The following OR51B5 variants were observed in gnomAD, a reference collection of about 807,000 sequenced individuals.
The protein encoded by OR51B5 is olfactory receptor 51B5.
For missense variants in OR51B5, 456 were observed against 374.6 expected, an observed-to-expected ratio of 1.22 and a Z score of -1.79; for synonymous variants, 186 against 144.8, an observed-to-expected ratio of 1.28 and a Z score of -2.04.
intron 1 of OR51B5, among the ~76,000 whole-genome samples, chr11:5,393,826 G>A (rs890059643): frequency 1.3e-5 from 2 of 152,252 alleles, no homozygotes; most frequent in East Asian, 3.9e-4. Context: ...AATCATTAAT[G>A]TAAGTCAGAA....
At chr11:5,377,958 G>T (rs1321841480) in intron 1 of OR51B5, among the ~76,000 whole-genome samples, 9 of 151,824 alleles carry the variant, frequency 5.9e-5, no homozygotes, top group Non-Finnish European at 7.4e-5. Flanking sequence ...TTGGAAAAAC[G>T]ACTTTAAAGT....
chr11:5,444,173 T>TACATACATATATGCTG (rs1310002598), intron 1 of OR51B5, among the ~76,000 whole-genome samples: 3 of 152,158 alleles, frequency 2.0e-5, no homozygotes, highest in Non-Finnish European at 4.4e-5. Flanking sequence ...TTTTCCCATA[T>TACATACATATATGCTG]ACATACATAT....
chr11:5,489,138 A>G (rs1331361467), intron 1 of OR51B5: 4 of 1,613,872 alleles, frequency 2.5e-6, no homozygotes, highest in South Asian at 1.1e-5. Flanking sequence ...ATGCTGTCAT[A>G]GGCAGAATTG....
chr11:5,452,506 A>G (rs1449787006), intron 1 of OR51B5, among the ~76,000 whole-genome samples: 12 of 7,466 alleles, frequency 1.6e-3, no homozygotes, highest in African/African-American at 6.2e-3. Context: ...CTCTGTCTCA[A>G]AAAAAAAAAA....
At chr11:5,422,753 G>T in intron 1 of OR51B5, 9 of 1,614,106 alleles carry the variant, frequency 5.6e-6, no homozygotes, top group African/African-American at 1.3e-5. Context: ...CCTCCACCAG[G>T]ATATGATCCG....
intron 1 of OR51B5, among the ~76,000 whole-genome samples, chr11:5,456,866 G>C (rs1316445180): frequency 6.6e-6 from 1 of 152,160 alleles, no homozygotes; most frequent in Non-Finnish European, 1.5e-5. Context: ...TCATGATAGT[G>C]AGTGAGTTCT....
rs182255617 is a variant in OR51B5 at position 5,495,960 on chromosome 11, A to G, written n.84+9609T>C. Among the ~76,000 whole-genome samples the G allele has an allele frequency of 6.8e-3, 1,041 of 152,254 alleles. 6 individuals carry two copies. The highest frequency in any genetic ancestry group is 0.01 in the Non-Finnish European group (696 of 68,022). On this transcript the variant is annotated intron_variant and non_coding_transcript_variant, in intron 1 of 4. Coordinates refer to the OR51B5 transcript ENST00000415970. Reference sequence around the variant, plus strand: ...GCATATTGCAATTTTTTTTAACTTCATATGTTCCTGATACCTTAACCTCTC... The same window carrying G: ...GCATATTGCAATTTTTTTTAACTTCGTATGTTCCTGATACCTTAACCTCTC...
At chr11:5,407,813 CAAAT>C (rs1002554650) in intron 1 of OR51B5, among the ~76,000 whole-genome samples, 2 of 151,842 alleles carry the variant, frequency 1.3e-5, no homozygotes, top group African/African-American at 4.8e-5. Flanking sequence ...TTCAAATAAG[CAAAT>C]AATTTATTTT....
intron 1 of OR51B5, chr11:5,488,767 C>G (rs552766776): frequency 6.2e-7 from 1 of 1,614,000 alleles, no homozygotes; most frequent in South Asian, 1.1e-5. Flanking sequence ...AACAGGGATC[C>G]CAGGGCTGGA....
At chr11:5,461,217 G>A (rs1002190291) in intron 1 of OR51B5, among the ~76,000 whole-genome samples, 5 of 152,206 alleles carry the variant, frequency 3.3e-5, no homozygotes, top group African/African-American at 7.2e-5. Flanking sequence ...CTGCTCGGGC[G>A]ATGGTGGGTC....
chr11:5,359,975 C>A lies in OR51B5; in HGVS notation n.85-13065G>T, dbSNP rs367657824. On this transcript the variant is annotated intron_variant and non_coding_transcript_variant, in intron 1 of 4. Coordinates refer to the OR51B5 transcript ENST00000415970. ...GCTGAAACTGGATCCCTTTCTTACA[C>A]CTTATACAAAAATTAATTCAAGATG... is the stretch of plus-strand genomic sequence containing the variant. Among the ~76,000 whole-genome samples, 28 of 152,278 alleles carry A rather than the reference C, an allele frequency of 1.8e-4. No individual in the cohort carries two copies. In the South Asian group the frequency reaches 4.4e-3, roughly 24 times the overall value.
intron 1 of OR51B5, among the ~76,000 whole-genome samples, chr11:5,400,879 G>A (rs753408726): frequency 2.2e-4 from 33 of 152,330 alleles, no homozygotes; most frequent in Non-Finnish European, 1.5e-4. Context: ...GGTCCCTGTT[G>A]ATGCGTAAGT....
At chr11:5,422,601 A>G (rs1850362746) in intron 1 of OR51B5, 1 of 1,613,942 alleles carries the variant, frequency 6.2e-7, no homozygotes, top group South Asian at 1.1e-5. Context: ...CCCCTCCATT[A>G]TGCCTCCATC....
intron 1 of OR51B5, among the ~76,000 whole-genome samples, chr11:5,470,001 A>T (rs552635539): frequency 6.6e-6 from 1 of 152,184 alleles, no homozygotes; most frequent in Non-Finnish European, 1.5e-5. Flanking sequence ...AGAATGTCAC[A>T]TTCCTCCACA....
intron 1 of OR51B5, among the ~76,000 whole-genome samples, chr11:5,426,049 T>C (rs1850444930): frequency 6.6e-6 from 1 of 152,204 alleles, no homozygotes; most frequent in South Asian, 2.1e-4. Flanking sequence ...GAATGAACTA[T>C]CAAGCTGCAC....
At chr11:5,487,752 C>T (rs776862055) in intron 1 of OR51B5, among the ~76,000 whole-genome samples, 6 of 152,198 alleles carry the variant, frequency 3.9e-5, no homozygotes, top group Non-Finnish European at 7.3e-5. Context: ...CCATTCTGAT[C>T]TGACCTCACA....
At chr11:5,414,172 C>CT (rs1215211201) in intron 1 of OR51B5, among the ~76,000 whole-genome samples, 3 of 151,264 alleles carry the variant, frequency 2.0e-5, no homozygotes, top group Non-Finnish European at 4.4e-5. Context: ...ATTTCATATC[C>CT]AGCCAAACTA....
chr11:5,407,238 G>C (rs1197227108), intron 1 of OR51B5, among the ~76,000 whole-genome samples: 1 of 152,100 alleles, frequency 6.6e-6, no homozygotes, highest in East Asian at 1.9e-4. Context: ...TTTTATCTAT[G>C]AATATTCTAT....
At chr11:5,353,934 A>G (rs1849144004) in intron 1 of OR51B5, among the ~76,000 whole-genome samples, 1 of 146,118 alleles carries the variant, frequency 6.8e-6, no homozygotes, top group African/African-American at 2.5e-5. Context: ...TGATTAGACC[A>G]AAAGATTTTG....
Sources: gnomAD v4.1 joint callset for allele counts (sites outside exome capture counted in the v4.1 genomes callset) on GRCh38, gnomAD v4.1.1 for gene constraint, MANE v1.5 for transcripts, NCBI Gene and HGNC (gene_info 2026-07-23, HGNC 2026-07-21) for gene names.